The following RUNX2 variants were observed in gnomAD, a reference collection of about 807,000 sequenced individuals.
The protein encoded by RUNX2 is RUNX family transcription factor 2.
RUNX2 carries 10 observed loss-of-function variants against 51.7 expected under a neutral mutation model. The ratio of observed to expected loss-of-function variants is 0.19; its 90% CI spans 0.12 to 0.33. The LOEUF (loss-of-function observed/expected upper bound fraction) is 0.33. RUNX2 is among the 10% of genes least tolerant of loss of function. The probability of loss-of-function intolerance (pLI) is 1.00; values close to 1 mark genes in which losing one functional copy is unlikely to be tolerated. For synonymous variants in RUNX2, 276 were observed against 273.6 expected (o/e 1.01, Z -0.09); for missense variants, 562 against 691.3 (o/e 0.81, Z 2.10).
rs147359883 is a variant in RUNX2 at position 45,431,970 on chromosome 6, C to G, written c.531C>G (p.Asn177Lys). Reference protein sequence around the residue: ...ELRNASAVMKNQVARFNDLRF... With the variant: ...ELRNASAVMKKQVARFNDLRF... ...GGAATGCCTCTGCTGTTATGAAAAA[C>G]CAAGTAGCAAGGTTCAACGATCTGA... The change falls in exon 4 of 9, where the codon AAC becomes AAG. Residue 177 changes from asparagine to lysine, a missense_variant. By Grantham distance (94) the Asn-to-Lys change is moderately conservative. This residue lies in a region of RUNX2 where 67 missense variants were observed against 106.5 expected (regional missense o/e 0.63). Coordinates refer to ENST00000647337, the MANE Select transcript of RUNX2 (RefSeq NM_001024630.4). 5.2e-5 allele frequency: 84 copies of G among 1,614,082 alleles called. No homozygotes were observed. The African/African-American group carries it at 1.1e-3, about 21-fold the overall frequency.
intron 5 of RUNX2, among the ~76,000 whole-genome samples, chr6:45,488,712 G>A (rs1199448847): frequency 7.7e-6 from 1 of 130,100 alleles, no homozygotes; most frequent in Non-Finnish European, 1.7e-5. Flanking sequence ...GAAGGATTCA[G>A]GGAGAAGTTC....
intron 2 of RUNX2, among the ~76,000 whole-genome samples, chr6:45,393,853 G>A (rs1459461423): frequency 6.6e-6 from 1 of 152,078 alleles, no homozygotes; most frequent in East Asian, 1.9e-4. Flanking sequence ...CATGGCAGAA[G>A]GTGAATAGGG....
At chr6:45,424,080 G>A (rs1326203970) in intron 3 of RUNX2, among the ~76,000 whole-genome samples, 1 of 152,262 alleles carries the variant, frequency 6.6e-6, no homozygotes, top group Non-Finnish European at 1.5e-5. Flanking sequence ...GCCTGAGCAC[G>A]GAGTGAGCTC....
At chr6:45,373,378 C>T (rs1191215397) in intron 2 of RUNX2, among the ~76,000 whole-genome samples, 3 of 152,104 alleles carry the variant, frequency 2.0e-5, no homozygotes, top group South Asian at 4.1e-4. Flanking sequence ...ATTAGTATAA[C>T]CTATTAGGTG....
At position 45,505,421 on chromosome 6, in the gene RUNX2, G is replaced by A. The variant is rs114070389; in HGVS notation, c.860-6825G>A. Among the ~76,000 whole-genome samples, 423 of 151,086 alleles carry A rather than the reference G, an allele frequency of 2.8e-3. 2 individuals are homozygous for A. The highest frequency in any genetic ancestry group is 9.6e-3 in the African/African-American group (394 of 41,012). On this transcript the variant is annotated intron_variant, in intron 6 of 8. Coordinates refer to ENST00000647337, the MANE Select transcript of RUNX2 (RefSeq NM_001024630.4). Reference sequence around the variant, plus strand: ...TCTCAATATAACTCCAAGTGTTTAGGGTTCAATTATGCAGATGCGAAATTT... The same window carrying A: ...TCTCAATATAACTCCAAGTGTTTAGAGTTCAATTATGCAGATGCGAAATTT...
At chr6:45,425,885 C>A (rs900748884) in intron 3 of RUNX2, among the ~76,000 whole-genome samples, 2 of 143,668 alleles carry the variant, frequency 1.4e-5, no homozygotes, top group African/African-American at 4.9e-5. Context: ...TGGATTTAAA[C>A]ACACACATAC....
intron 2 of RUNX2, among the ~76,000 whole-genome samples, chr6:45,388,950 C>T (rs1326512340): frequency 6.6e-6 from 1 of 152,196 alleles, no homozygotes; most frequent in Non-Finnish European, 1.5e-5. Context: ...AAATTATGCT[C>T]CAGCACTGGT....
chr6:45,379,217 G>A (rs1051006660), intron 2 of RUNX2, among the ~76,000 whole-genome samples: 48 of 152,288 alleles, frequency 3.2e-4, no homozygotes, highest in Non-Finnish European at 3.7e-4. Flanking sequence ...TAGGATGTGA[G>A]AGCTCAGCTT....
In RUNX2 at chr6:45,404,881, A is replaced by G. The variant is rs533573305; in HGVS notation, c.59-17712A>G. 3.2e-4 allele frequency among the ~76,000 whole-genome samples: 49 copies of G among 152,390 alleles called. 1 individual carries two copies. The highest frequency in any genetic ancestry group is 5.7e-4 in the Non-Finnish European group (39 of 68,034). On this transcript the variant is annotated intron_variant, in intron 2 of 8. Coordinates refer to ENST00000647337, the MANE Select transcript of RUNX2 (RefSeq NM_001024630.4). ...ATGAGTTATAACTATACGAACCAGC[A>G]AACTTGGAAAATATTTCAAAATGTC...
intron 5 of RUNX2, among the ~76,000 whole-genome samples, chr6:45,469,469 T>C (rs1199168267): frequency 6.6e-6 from 1 of 152,228 alleles, no homozygotes; most frequent in African/African-American, 2.4e-5. Flanking sequence ...ACATAGCCTA[T>C]AGGCCTATGG....
intron 2 of RUNX2, among the ~76,000 whole-genome samples, chr6:45,344,819 T>C (rs1408227694): frequency 6.6e-6 from 1 of 152,132 alleles, no homozygotes; most frequent in Non-Finnish European, 1.5e-5. Flanking sequence ...AAGTTAAAAA[T>C]GCAGTAAGCC....
intron 5 of RUNX2, among the ~76,000 whole-genome samples, chr6:45,468,595 T>C (rs1799708850): frequency 6.6e-6 from 1 of 152,212 alleles, no homozygotes; most frequent in South Asian, 2.1e-4. Context: ...TCTAGATGGT[T>C]TTATTCCTAG....
At chr6:45,330,902 T>C (rs1486446135) in intron 2 of RUNX2, among the ~76,000 whole-genome samples, 1 of 151,976 alleles carries the variant, frequency 6.6e-6, no homozygotes, top group Non-Finnish European at 1.5e-5. Context: ...ATTGCAAACA[T>C]TTCCCCATTC....
At chr6:45,481,103 G>C (rs1365570868) in intron 5 of RUNX2, among the ~76,000 whole-genome samples, 1 of 152,098 alleles carries the variant, frequency 6.6e-6, no homozygotes, top group Non-Finnish European at 1.5e-5. Context: ...CTGTTTCTCT[G>C]TCTCTGTCTC....
chr6:45,475,224 G>A (rs2150396130), intron 5 of RUNX2, among the ~76,000 whole-genome samples: 1 of 152,136 alleles, frequency 6.6e-6, no homozygotes, highest in East Asian at 1.9e-4. Flanking sequence ...CATGAGAAAG[G>A]GCATAAGAAA....
intron 5 of RUNX2, among the ~76,000 whole-genome samples, chr6:45,465,191 C>T (rs1582139931): frequency 6.6e-6 from 1 of 152,092 alleles, no homozygotes; most frequent in African/African-American, 2.4e-5. Flanking sequence ...GCCAATCCAT[C>T]CATTTCTTGT....
At chr6:45,378,509 AC>A (rs1366457085) in intron 2 of RUNX2, among the ~76,000 whole-genome samples, 2 of 152,078 alleles carry the variant, frequency 1.3e-5, no homozygotes, top group Non-Finnish European at 2.9e-5. Context: ...ACCAGCTCTT[AC>A]GCCGCTTCCG....
chr6:45,515,056 A>G (rs1464191003), intron 7 of RUNX2, among the ~76,000 whole-genome samples: 1 of 151,908 alleles, frequency 6.6e-6, no homozygotes, highest in Non-Finnish European at 1.5e-5. Context: ...CATAACGCGG[A>G]CAGCTAAAAA....
chr6:45,484,501 C>G (rs1353031968), intron 5 of RUNX2, among the ~76,000 whole-genome samples: 6 of 152,132 alleles, frequency 3.9e-5, no homozygotes, highest in Non-Finnish European at 8.8e-5. Flanking sequence ...TTTCACTTTT[C>G]TCCGTAGTAT....
Sources: allele counts gnomAD v4.1 joint callset (sites outside exome capture counted in the v4.1 genomes callset), GRCh38; gene constraint gnomAD v4.1.1; regional missense constraint gnomAD v4.1.1; transcripts MANE v1.5; gene names NCBI Gene and HGNC (gene_info 2026-07-23, HGNC 2026-07-21).